Variants in TENM2 observed in about 807,000 individuals in gnomAD.
TENM2 encodes the protein teneurin transmembrane protein 2.
Under a neutral mutation model 245.2 loss-of-function variants are expected in TENM2, and 52 were observed. That is an observed-to-expected ratio of 0.21 (90% CI 0.17 to 0.27). The LOEUF is 0.27. Among genes scored for constraint, TENM2 ranks in the 10% least tolerant of loss-of-function variants. The probability of loss-of-function intolerance (pLI) is 1.00; values close to 1 mark genes in which losing one functional copy is unlikely to be tolerated. For synonymous variants in TENM2, 1,363 were observed against 1,438.9 expected (o/e 0.95, Z 1.19); for missense variants, 3,046 against 3,666.8 (o/e 0.83, Z 4.37).
intron 3 of TENM2, among the ~76,000 whole-genome samples, chr5:167,945,582 G>A (rs1649253918): frequency 6.6e-6 from 1 of 152,184 alleles, no homozygotes. Flanking sequence ...TACGAACGTA[G>A]GCAGAGCGGA....
chr5:167,419,957 A>G (rs900009211), intron 2 of TENM2, among the ~76,000 whole-genome samples: 7 of 152,318 alleles, frequency 4.6e-5, no homozygotes, highest in Admixed American at 6.5e-5. Context: ...GAACATTTCA[A>G]TGAGAATTTA....
intron 2 of TENM2, among the ~76,000 whole-genome samples, chr5:167,696,884 G>C (rs530664542): frequency 6.6e-6 from 1 of 152,090 alleles, no homozygotes; most frequent in Non-Finnish European, 1.5e-5. Flanking sequence ...ACCTTAAAAA[G>C]TGAATCAACC....
At chr5:168,160,684 T>G (rs1337094933) in intron 12 of TENM2, among the ~76,000 whole-genome samples, 1 of 152,162 alleles carries the variant, frequency 6.6e-6, no homozygotes, top group Non-Finnish European at 1.5e-5. Flanking sequence ...AAAGCTTAAT[T>G]GTATACCCTT....
chr5:167,922,113 G>A (rs1270672856), intron 3 of TENM2, among the ~76,000 whole-genome samples: 1 of 152,144 alleles, frequency 6.6e-6, no homozygotes, highest in African/African-American at 2.4e-5. Context: ...AAGGAAAACT[G>A]GCAAAATGGT....
intron 2 of TENM2, among the ~76,000 whole-genome samples, chr5:167,705,261 C>T (rs557892942): frequency 1.2e-3 from 177 of 152,216 alleles, no homozygotes; most frequent in Admixed American, 2.7e-3. Context: ...TGAGCTCAAA[C>T]GAGGTGATCA....
chr5:168,075,359 C>T (rs1157011607), intron 7 of TENM2, among the ~76,000 whole-genome samples: 1 of 152,116 alleles, frequency 6.6e-6, no homozygotes, highest in Non-Finnish European at 1.5e-5. Context: ...GGGCTGGTTC[C>T]ATATTTTTGC....
chr5:168,001,478 T>C (rs1391994243), intron 5 of TENM2, among the ~76,000 whole-genome samples: 1 of 152,208 alleles, frequency 6.6e-6, no homozygotes, highest in Non-Finnish European at 1.5e-5. Flanking sequence ...TAAATGAGGA[T>C]GTACTAAGAA....
chr5:167,261,940 C>T, the TENM2 span, among the ~76,000 whole-genome samples: 3 of 152,098 alleles, frequency 2.0e-5, no homozygotes, highest in Non-Finnish European at 4.4e-5. Flanking sequence ...GGGGTCAGAC[C>T]GAATTCAACA....
At chr5:168,041,091 C>T (rs1037935709) in intron 5 of TENM2, among the ~76,000 whole-genome samples, 15 of 152,132 alleles carry the variant, frequency 9.9e-5, no homozygotes, top group African/African-American at 3.6e-4. Context: ...CACTTGGAAA[C>T]CTCAGAGGGC....
intron 3 of TENM2, among the ~76,000 whole-genome samples, chr5:167,912,775 C>G (rs1776647807): frequency 6.6e-6 from 1 of 152,132 alleles, no homozygotes; most frequent in African/African-American, 2.4e-5. Flanking sequence ...GCATAAGAAA[C>G]TTTTAGAACA....
the TENM2 span, among the ~76,000 whole-genome samples, chr5:166,996,816 G>A: frequency 6.6e-6 from 1 of 152,190 alleles, no homozygotes; most frequent in South Asian, 2.1e-4. Flanking sequence ...TCTGAGGTGG[G>A]AAGGAGATAT....
the TENM2 span, among the ~76,000 whole-genome samples, chr5:167,166,667 C>T: frequency 6.6e-6 from 1 of 151,934 alleles, no homozygotes; most frequent in Non-Finnish European, 1.5e-5. Flanking sequence ...ATCTAGTGTG[C>T]TTTAAATAAC....
chr5:167,059,904 A>G, the TENM2 span, among the ~76,000 whole-genome samples: 1 of 151,972 alleles, frequency 6.6e-6, no homozygotes, highest in Non-Finnish European at 1.5e-5. Flanking sequence ...GGGTTTCACC[A>G]TGTTGCCAGG....
At chr5:167,262,810 G>A in the TENM2 span, among the ~76,000 whole-genome samples, 14 of 152,120 alleles carry the variant, frequency 9.2e-5, no homozygotes, top group Admixed American at 5.2e-4. Flanking sequence ...CAGCCTTAGC[G>A]TGTTCAGGCA....
At chr5:167,961,373 G>T (rs114606474) in intron 4 of TENM2, among the ~76,000 whole-genome samples, 420 of 152,182 alleles carry the variant, frequency 2.8e-3, no homozygotes, top group African/African-American at 9.7e-3. Context: ...AAGGCTGGAT[G>T]GTATTTTCTG....
chr5:167,210,292 TAA>T, the TENM2 span, among the ~76,000 whole-genome samples: 1 of 152,138 alleles, frequency 6.6e-6, no homozygotes. Context: ...TTCTTTCCCA[TAA>T]TGAAGTGAAT....
At chr5:167,205,688 T>A in the TENM2 span, among the ~76,000 whole-genome samples, 1 of 152,124 alleles carries the variant, frequency 6.6e-6, no homozygotes, top group African/African-American at 2.4e-5. Flanking sequence ...GATATCAGGG[T>A]CCATGGTTCA....
chr5:168,060,228 A>G (rs1173568252), intron 6 of TENM2, among the ~76,000 whole-genome samples: 1 of 132,258 alleles, frequency 7.6e-6, no homozygotes, highest in Non-Finnish European at 1.7e-5. Flanking sequence ...TGTCTCTACG[A>G]AAAAAAAAAA....
chr5:167,925,350 G>A (rs556815718), intron 3 of TENM2, among the ~76,000 whole-genome samples: 5 of 152,282 alleles, frequency 3.3e-5, no homozygotes, highest in South Asian at 2.1e-4. Flanking sequence ...GAAATCATGG[G>A]TGTGACCTCC....
Sources: allele counts gnomAD v4.1 joint callset (sites outside exome capture counted in the v4.1 genomes callset), GRCh38; gene constraint gnomAD v4.1.1; transcripts MANE v1.5; gene names NCBI Gene and HGNC (gene_info 2026-07-23, HGNC 2026-07-21).